Variants in CAMK1D observed in about 807,000 individuals in gnomAD.
CAMK1D encodes calcium/calmodulin dependent protein kinase ID.
A neutral mutation model predicts 47.7 loss-of-function variants in CAMK1D; 9 were observed. The observed-to-expected ratio is 0.19, with a 90% CI of 0.11 to 0.33. The LOEUF is 0.33. Ranked by LOEUF, CAMK1D falls within the 10% of genes least tolerant of loss-of-function variation. The probability of loss-of-function intolerance (pLI) is 1.00; values close to 1 mark genes in which losing one functional copy is unlikely to be tolerated. For missense variants in CAMK1D, 291 were observed against 488.7 expected (o/e 0.60, Z 3.81); for synonymous variants, 184 against 184.9 (o/e 0.99, Z 0.04).
chr10:12,598,810 A>G (rs1189820148), intron 2 of CAMK1D, among the ~76,000 whole-genome samples: 8 of 152,236 alleles, frequency 5.3e-5, no homozygotes, highest in African/African-American at 1.9e-4. Context: ...CGTATCTTGC[A>G]AATAACATGC....
intron 3 of CAMK1D, among the ~76,000 whole-genome samples, chr10:12,754,647 A>C (rs1836149081): frequency 6.6e-6 from 1 of 152,158 alleles, no homozygotes; most frequent in Non-Finnish European, 1.5e-5. Flanking sequence ...ACAGTTCTGG[A>C]GGCTGGAAGT....
intron 1 of CAMK1D, among the ~76,000 whole-genome samples, chr10:12,493,661 T>C (rs1210999021): frequency 6.6e-6 from 1 of 152,056 alleles, no homozygotes; most frequent in African/African-American, 2.4e-5. Flanking sequence ...GCCTGGCTAA[T>C]TTTTGTATTT....
chr10:12,735,700 C>G (rs1835156927), intron 3 of CAMK1D, among the ~76,000 whole-genome samples: 1 of 151,984 alleles, frequency 6.6e-6, no homozygotes, highest in Non-Finnish European at 1.5e-5. Context: ...GACCTTGACT[C>G]AAGGAACAGT....
chr10:12,544,823 A>C (rs1342781453), intron 1 of CAMK1D, among the ~76,000 whole-genome samples: 1 of 125,238 alleles, frequency 8.0e-6, no homozygotes, highest in Non-Finnish European at 1.7e-5. Context: ...AGTGGATAGT[A>C]CTAGTGTTAA....
At chr10:12,694,018 A>G (rs1222190413) in intron 3 of CAMK1D, among the ~76,000 whole-genome samples, 3 of 74,330 alleles carry the variant, frequency 4.0e-5, no homozygotes, top group African/African-American at 5.4e-5. Context: ...TATATTAAAT[A>G]TATATAATAT....
intron 1 of CAMK1D, among the ~76,000 whole-genome samples, chr10:12,454,707 C>A (rs1393121810): frequency 6.6e-6 from 1 of 151,248 alleles, no homozygotes; most frequent in African/African-American, 2.4e-5. Flanking sequence ...AAGTGATCCT[C>A]CTGCCTCAGC....
At chr10:12,504,273 A>C (rs1834802673) in intron 1 of CAMK1D, among the ~76,000 whole-genome samples, 1 of 150,448 alleles carries the variant, frequency 6.6e-6, no homozygotes, top group Non-Finnish European at 1.5e-5. Context: ...AGACCCAGGA[A>C]AGCCAGCGGT....
chr10:12,613,175 G>T (rs1409641188), intron 2 of CAMK1D, among the ~76,000 whole-genome samples: 1 of 152,124 alleles, frequency 6.6e-6, no homozygotes, highest in African/African-American at 2.4e-5. Flanking sequence ...CAAGGCTCCA[G>T]GAAACTTTTA....
At chr10:12,484,291 G>A (rs2724810) in intron 1 of CAMK1D, among the ~76,000 whole-genome samples, 118,137 of 152,168 alleles carry the variant, frequency 0.78, 46,081 homozygotes, top group East Asian at 0.97. Context: ...ACACCAAGTC[G>A]CCATCTCTCT....
At chr10:12,402,026 G>T (rs1311264064) in intron 1 of CAMK1D, among the ~76,000 whole-genome samples, 3 of 151,842 alleles carry the variant, frequency 2.0e-5, no homozygotes, top group Non-Finnish European at 4.4e-5. Context: ...CTCCCTAGTA[G>T]CTGGAATTAC....
chr10:12,421,225 C>T (rs185287671), intron 1 of CAMK1D, among the ~76,000 whole-genome samples: 2 of 152,318 alleles, frequency 1.3e-5, no homozygotes, highest in East Asian at 3.9e-4. Flanking sequence ...TTCTCTCAAG[C>T]TCAGATCAGC....
chr10:12,732,360 G>A (rs1834925030), intron 3 of CAMK1D, among the ~76,000 whole-genome samples: 2 of 152,172 alleles, frequency 1.3e-5, no homozygotes, highest in Admixed American at 1.3e-4. Flanking sequence ...GACAGTGAGT[G>A]AGGAGCTGAA....
chr10:12,540,184 C>A (rs1275920107), intron 1 of CAMK1D, among the ~76,000 whole-genome samples: 1 of 151,604 alleles, frequency 6.6e-6, no homozygotes, highest in African/African-American at 2.4e-5. Flanking sequence ...CCTGCCTTGG[C>A]CTCTCAAACT....
chr10:12,613,782 A>G (rs1389596203), intron 2 of CAMK1D, among the ~76,000 whole-genome samples: 1 of 152,168 alleles, frequency 6.6e-6, no homozygotes, highest in Non-Finnish European at 1.5e-5. Flanking sequence ...CCGGCCTAGG[A>G]TTACATTTCC....
intron 2 of CAMK1D, among the ~76,000 whole-genome samples, chr10:12,561,884 C>T (rs1319379941): frequency 6.6e-6 from 1 of 152,156 alleles, no homozygotes; most frequent in Non-Finnish European, 1.5e-5. Context: ...TTGGTTATAT[C>T]CCATACTACA....
chr10:12,606,407 G>A (rs931696212), intron 2 of CAMK1D, among the ~76,000 whole-genome samples: 13 of 152,190 alleles, frequency 8.5e-5, no homozygotes, highest in Non-Finnish European at 1.6e-4. Flanking sequence ...TGGTACTGAT[G>A]TTCTTAAGAT....
chr10:12,682,880 T>G (rs1832499427), intron 3 of CAMK1D, among the ~76,000 whole-genome samples: 1 of 152,010 alleles, frequency 6.6e-6, no homozygotes, highest in African/African-American at 2.4e-5. Flanking sequence ...GAAAGTTATT[T>G]TAATCTTTGG....
intron 1 of CAMK1D, among the ~76,000 whole-genome samples, chr10:12,470,953 G>C (rs4747984): frequency 0.2 from 31,033 of 152,186 alleles, 3,529 homozygotes; most frequent in East Asian, 0.51. Context: ...TGGTGGGGCT[G>C]TGCTCCAGGA....
intron 1 of CAMK1D, among the ~76,000 whole-genome samples, chr10:12,527,851 T>C (rs1045389650): frequency 2.0e-5 from 3 of 152,248 alleles, no homozygotes; most frequent in African/African-American, 7.2e-5. Flanking sequence ...AACCTGTAAT[T>C]AGTGGGCGGC....
Sources: gnomAD v4.1 joint callset for allele counts (sites outside exome capture counted in the v4.1 genomes callset) on GRCh38, gnomAD v4.1.1 for gene constraint, MANE v1.5 for transcripts, NCBI Gene and HGNC (gene_info 2026-07-23, HGNC 2026-07-21) for gene names.